Variants in CSMD1 observed in about 807,000 individuals in gnomAD.
The protein encoded by CSMD1 is CUB and sushi domain-containing protein 1.
In CSMD1, 213 loss-of-function variants were observed where a neutral mutation model predicts 417.5. The ratio of observed to expected loss-of-function variants is 0.51; its 90% confidence interval spans 0.46 to 0.57. The LOEUF (loss-of-function observed/expected upper bound fraction) is 0.57, where lower values mean the gene tolerates loss of function less well. CSMD1 is among the 20% of genes least tolerant of loss of function. The pLI is 0.00. For synonymous variants in CSMD1, 2,862 were observed against 1,736.8 expected (o/e 1.65, Z -16.11); for missense variants, 6,923 against 4,529.7 (o/e 1.53, Z -15.17).
chr8:3,858,163 T>C (rs73661010), intron 5 of CSMD1, among the ~76,000 whole-genome samples: 8 of 152,336 alleles, frequency 5.3e-5, no homozygotes, highest in South Asian at 2.1e-4. Flanking sequence ...TGGAGGCTTT[T>C]TGTCAATTAA....
At chr8:3,480,880 G>C (rs1487744038) in intron 11 of CSMD1, among the ~76,000 whole-genome samples, 3 of 151,990 alleles carry the variant, frequency 2.0e-5, no homozygotes, top group Admixed American at 6.6e-5. Flanking sequence ...TGGTAGGCTG[G>C]GGGCAATGGC....
chr8:4,688,042 C>T (rs1490791847), intron 1 of CSMD1, among the ~76,000 whole-genome samples: 2 of 152,098 alleles, frequency 1.3e-5, no homozygotes, highest in Non-Finnish European at 2.9e-5. Context: ...TAGATGATAT[C>T]TAATTGATTG....
At chr8:4,621,787 G>C (rs1801792536) in intron 2 of CSMD1, among the ~76,000 whole-genome samples, 1 of 151,998 alleles carries the variant, frequency 6.6e-6, no homozygotes, top group Non-Finnish European at 1.5e-5. Flanking sequence ...ATGAACTACT[G>C]TAAGTCAAAC....
At position 3,160,808 on chromosome 8, in the gene CSMD1, G is replaced by A. The variant is rs532067283; in HGVS notation, c.5844+1351C>T. 6.3e-4 allele frequency among the ~76,000 whole-genome samples: 96 copies of A among 152,312 alleles called. 1 individual carries two copies. The highest frequency in any genetic ancestry group is 2.2e-3 in the African/African-American group (93 of 41,572). ...ACCCATGTCCCACGGTTGATCAGGA[G>A]AAGTGAGATTTTGTATATAAAGCAC... On this transcript the variant is annotated intron_variant, in intron 38 of 69. Coordinates refer to ENST00000635120, the MANE Select transcript of CSMD1 (RefSeq NM_033225.6).
chr8:4,362,682 T>C (rs1383188491), intron 3 of CSMD1, among the ~76,000 whole-genome samples: 1 of 152,198 alleles, frequency 6.6e-6, no homozygotes, highest in Non-Finnish European at 1.5e-5. Flanking sequence ...TAAAAGAAAT[T>C]ATGGGATGAC....
chr8:3,707,862 C>T (rs958833804), intron 7 of CSMD1, among the ~76,000 whole-genome samples: 3 of 152,246 alleles, frequency 2.0e-5, no homozygotes, highest in South Asian at 4.1e-4. Context: ...GTGTGGGAGA[C>T]ACCTTCATTC....
intron 3 of CSMD1, among the ~76,000 whole-genome samples, chr8:4,415,898 C>G (rs1314245864): frequency 6.6e-6 from 1 of 152,158 alleles, no homozygotes; most frequent in Non-Finnish European, 1.5e-5. Flanking sequence ...AGGATTGCAA[C>G]TTCTGTAGAT....
intron 12 of CSMD1, among the ~76,000 whole-genome samples, chr8:3,445,603 A>G (rs138997387): frequency 1.3e-5 from 2 of 152,300 alleles, no homozygotes; most frequent in East Asian, 1.9e-4. Flanking sequence ...AGACCACAAT[A>G]AAGAAGGCCA....
intron 37 of CSMD1, among the ~76,000 whole-genome samples, chr8:3,170,118 C>G (rs1324036350): frequency 6.6e-6 from 1 of 152,242 alleles, no homozygotes; most frequent in Non-Finnish European, 1.5e-5. Context: ...GCTAGAAGCA[C>G]CCTTCTGCGC....
At chr8:3,866,739 A>T (rs1408865097) in intron 5 of CSMD1, among the ~76,000 whole-genome samples, 1 of 152,066 alleles carries the variant, frequency 6.6e-6, no homozygotes, top group Non-Finnish European at 1.5e-5. Flanking sequence ...AGCCACAGGG[A>T]TTCTCCTGAT....
At position 4,430,251 on chromosome 8, in the gene CSMD1, GAAA is replaced by G. The variant is rs989423512; in HGVS notation, c.303-10189_303-10187del. 6.7e-4 allele frequency among the ~76,000 whole-genome samples: 102 copies of G among 152,184 alleles called. 1 individual carries two copies. Among genetic ancestry groups the G allele is most frequent in the Non-Finnish European group, 1.2e-3 (85 of 68,004 alleles). On this transcript the variant is annotated intron_variant, in intron 2 of 69. Coordinates refer to ENST00000635120, the MANE Select transcript of CSMD1 (RefSeq NM_033225.6). The stretch of plus-strand genomic sequence containing the variant: ...ATGCCATGAATACTGGGTCGGAGAA[GAAA>G]TTTTCTAAAATCACATCTTATGTTT...
At chr8:3,773,325 C>A (rs1798717840) in intron 5 of CSMD1, among the ~76,000 whole-genome samples, 1 of 152,114 alleles carries the variant, frequency 6.6e-6, no homozygotes, top group South Asian at 2.1e-4. Flanking sequence ...GCCCTGTCAC[C>A]CAGGCTGGAG....
intron 1 of CSMD1, among the ~76,000 whole-genome samples, chr8:4,899,472 T>C (rs565577851): frequency 6.6e-6 from 1 of 152,144 alleles, no homozygotes; most frequent in Non-Finnish European, 1.5e-5. Context: ...CCATAGTCAA[T>C]TAAAGAGAAG....
At chr8:3,869,212 G>A (rs981783048) in intron 5 of CSMD1, among the ~76,000 whole-genome samples, 4 of 152,044 alleles carry the variant, frequency 2.6e-5, no homozygotes, top group Admixed American at 1.3e-4. Context: ...CCTCCACCTC[G>A]GTGTTTCTCT....
rs535060731 is a variant in CSMD1, at chr8:3,670,335, C to A, written c.1009+38079G>T. Among the ~76,000 whole-genome samples the A allele has an allele frequency of 2.6e-5, 4 of 151,956 alleles. No individual in the cohort carries two copies. In the South Asian group the frequency reaches 8.3e-4, roughly 32 times the overall value. ...GCCCTCCAGCATCAGACTCCAAGTTCTTCTGTTTTGGGACTCGGGCTGGCT... is the reference window on the plus strand; with the variant it reads ...GCCCTCCAGCATCAGACTCCAAGTTATTCTGTTTTGGGACTCGGGCTGGCT... On this transcript the variant is annotated intron_variant, in intron 7 of 69. Transcript: ENST00000635120.
At chr8:4,288,575 T>C (rs1014873014) in intron 3 of CSMD1, among the ~76,000 whole-genome samples, 1 of 152,214 alleles carries the variant, frequency 6.6e-6, no homozygotes, top group Admixed American at 6.5e-5. Context: ...TGGATGCAAG[T>C]TCAGCTCTAC....
At chr8:3,206,885 A>C (rs1797323684) in intron 30 of CSMD1, among the ~76,000 whole-genome samples, 1 of 152,092 alleles carries the variant, frequency 6.6e-6, no homozygotes, top group Admixed American at 6.6e-5. Context: ...TTAGATTGCC[A>C]GTACTCTATT....
intron 25 of CSMD1, among the ~76,000 whole-genome samples, chr8:3,297,440 A>T: frequency 6.6e-6 from 1 of 152,184 alleles, no homozygotes; most frequent in East Asian, 1.9e-4. Flanking sequence ...GTAAATCAGG[A>T]ATTAAGTTAG....
rs200286539 is a variant in CSMD1, at chr8:4,395,529, G to GTT, written c.415+24422_415+24423dup. 3.7e-3 allele frequency among the ~76,000 whole-genome samples: 548 copies of GTT among 147,208 alleles called. 16 individuals carry two copies. In the East Asian group the frequency reaches 0.079, roughly 21 times the overall value. On this transcript the variant is annotated intron_variant, in intron 3 of 69. Coordinates refer to ENST00000635120, the MANE Select transcript of CSMD1 (RefSeq NM_033225.6). ...TCCCTACACCAGTTCCCCACCTACT[G>GTT]TTTTTTTTTTGCCTGTCGTGGAGCT... is the stretch of plus-strand genomic sequence containing the variant.
Sources: allele counts gnomAD v4.1 joint callset (sites outside exome capture counted in the v4.1 genomes callset), GRCh38; gene constraint gnomAD v4.1.1; transcripts MANE v1.5; gene names NCBI Gene and HGNC (gene_info 2026-07-23, HGNC 2026-07-21).